Variants in MICAL3 observed in about 807,000 individuals in gnomAD.
MICAL3 encodes the protein microtubule associated monooxygenase, calponin and LIM domain containing 3.
A neutral mutation model predicts 207.4 loss-of-function variants in MICAL3; 62 were observed. The observed-to-expected ratio is 0.30, with a 90% CI of 0.24 to 0.37. The LOEUF is 0.37. Ranked by LOEUF, MICAL3 falls within the 10% of genes least tolerant of loss-of-function variation. MICAL3 has a pLI of 1.00. For missense variants in MICAL3, 2,368 were observed against 2,635.6 expected (o/e 0.90, Z 2.22); for synonymous variants, 1,077 against 1,069.3 (o/e 1.01, Z -0.14).
chr22:17,851,561 A>G (rs1456443246), intron 19 of MICAL3, among the ~76,000 whole-genome samples: 1 of 152,170 alleles, frequency 6.6e-6, no homozygotes, highest in East Asian at 1.9e-4. Context: ...CCTCTGTCTG[A>G]GCTTCGCTCC....
rs1353104459 is a variant in MICAL3, at chr22:17,864,575, G to GGC, written c.2605+322_2605+323dup. ...CTCCTGTCTACCTACACAGGACCTGGGCCGCCCTCAGGTGTGATGGTGCGG... is the reference window on the plus strand; with the variant it reads ...CTCCTGTCTACCTACACAGGACCTGGGCGCCGCCCTCAGGTGTGATGGTGCGG... On this transcript the variant is annotated intron_variant, in intron 19 of 31. Coordinates refer to ENST00000441493, the MANE Select transcript of MICAL3 (RefSeq NM_015241.3). 12 of 1,469,312 alleles carry GGC rather than the reference G, an allele frequency of 8.2e-6. No homozygotes were observed. The African/African-American group carries it at 1.4e-4, about 17-fold the overall frequency. 91.0% of individuals were successfully genotyped at this position (1,469,312 alleles called of 1,614,324 possible).
At chr22:18,011,560 C>T (rs146606079) in intron 1 of MICAL3, among the ~76,000 whole-genome samples, 1,727 of 147,336 alleles carry the variant, frequency 0.012, 35 homozygotes, top group African/African-American at 0.041. Flanking sequence ...AAGAGTGAGA[C>T]TCCGTCTAAA....
At chr22:17,945,397 C>A (rs9618172) in intron 1 of MICAL3, among the ~76,000 whole-genome samples, 2,313 of 152,288 alleles carry the variant, frequency 0.015, 32 homozygotes, top group Non-Finnish European at 0.02. Context: ...TCCCTGCACA[C>A]GCGCTGCCAA....
intron 19 of MICAL3, among the ~76,000 whole-genome samples, chr22:17,847,580 A>G (rs565054406): frequency 2.0e-5 from 3 of 152,354 alleles, no homozygotes; most frequent in African/African-American, 7.2e-5. Context: ...CCCATCTGCT[A>G]AGAGAGGCTG....
chr22:17,909,447 T>C (rs935055119), intron 1 of MICAL3, among the ~76,000 whole-genome samples: 2 of 152,172 alleles, frequency 1.3e-5, no homozygotes, highest in Non-Finnish European at 2.9e-5. Context: ...ATTGCTTGAA[T>C]TCGGGAGGCG....
At chr22:17,934,545 CACAAG>C (rs1933423846) in intron 1 of MICAL3, among the ~76,000 whole-genome samples, 1 of 152,156 alleles carries the variant, frequency 6.6e-6, no homozygotes, top group Non-Finnish European at 1.5e-5. Context: ...TGAAAACCAG[CACAAG>C]ACAAGGATGC....
chr22:17,979,201 C>CATAA (rs1935792408), intron 1 of MICAL3, among the ~76,000 whole-genome samples: 2 of 151,788 alleles, frequency 1.3e-5, no homozygotes, highest in Admixed American at 6.6e-5. Flanking sequence ...GTAACCATGT[C>CATAA]TTATGAGTCA....
Position 17,847,007 on chromosome 22 carries a change from C to A in MICAL3, c.2606-4990G>T, listed in dbSNP as rs147077797. 3.5e-4 allele frequency among the ~76,000 whole-genome samples: 54 copies of A among 152,350 alleles called. 1 individual carries two copies. The East Asian group carries it at 0.01, about 29-fold the overall frequency. ...TTCTCCTAACAGGACAACCTGCTCT[C>A]GGCTGCTGGGCAAGAGCTGGCAGGG... On this transcript the variant is annotated intron_variant, in intron 19 of 31. Coordinates refer to ENST00000441493, the MANE Select transcript of MICAL3 (RefSeq NM_015241.3).
chr22:17,860,217 T>C (rs993218483), intron 19 of MICAL3: 1 of 982,706 alleles, frequency 1.0e-6, no homozygotes, highest in African/African-American at 1.8e-5. Flanking sequence ...AAAAAAAAAT[T>C]AAAAGCACGA....
chr22:18,016,637 A>C (rs1924070999), intron 1 of MICAL3, among the ~76,000 whole-genome samples: 2 of 152,198 alleles, frequency 1.3e-5, no homozygotes, highest in African/African-American at 4.8e-5. Context: ...GTAATGTTTT[A>C]AAACTCTTTA....
At chr22:17,927,152 C>T (rs527365080) in intron 1 of MICAL3, among the ~76,000 whole-genome samples, 8 of 152,292 alleles carry the variant, frequency 5.3e-5, no homozygotes, top group African/African-American at 1.9e-4. Flanking sequence ...TCTGTCTATT[C>T]CAGGTACCTC....
intron 19 of MICAL3, among the ~76,000 whole-genome samples, chr22:17,852,595 G>A (rs1394420894): frequency 6.6e-6 from 1 of 152,158 alleles, no homozygotes; most frequent in Non-Finnish European, 1.5e-5. Context: ...AACACCCATT[G>A]GTGCACTGAT....
chr22:17,865,877 T>A, intron 18 of MICAL3, 47 bp downstream of exon 18: 1 of 1,507,596 alleles, frequency 6.6e-7, no homozygotes, highest in Non-Finnish European at 9.2e-7. Context: ...GCCACACTGC[T>A]GCAACACCCA....
chr22:17,919,076 G>GTTTT (rs35096617), intron 1 of MICAL3, among the ~76,000 whole-genome samples: 1,762 of 136,526 alleles, frequency 0.013, 82 homozygotes, highest in African/African-American at 0.046. Context: ...GTTTTTGTGG[G>GTTTT]TTTTTTTTTT....
intron 11 of MICAL3, among the ~76,000 whole-genome samples, chr22:17,893,166 C>T (rs1930520350): frequency 6.6e-6 from 1 of 152,240 alleles, no homozygotes; most frequent in Middle Eastern, 3.4e-3. Context: ...CCTCCACTGC[C>T]TCCTCCCTTC....
At chr22:17,931,137 C>G (rs1312358129) in intron 1 of MICAL3, among the ~76,000 whole-genome samples, 1 of 152,198 alleles carries the variant, frequency 6.6e-6, no homozygotes, top group Non-Finnish European at 1.5e-5. Context: ...CCCCTGGTCC[C>G]CCAACTTGTG....
intron 20 of MICAL3, chr22:17,839,846 G>T (rs1923820093): frequency 6.6e-6 from 1 of 152,064 alleles, no homozygotes; most frequent in South Asian, 2.1e-4. Flanking sequence ...GGGATTACAG[G>T]CGTGAGCCAC....
intron 3 of MICAL3, among the ~76,000 whole-genome samples, chr22:17,903,348 T>C (rs1003461941): frequency 3.9e-5 from 6 of 152,220 alleles, no homozygotes; most frequent in African/African-American, 9.6e-5. Context: ...GTGAGACTGA[T>C]TGATTTATTC....
chr22:17,953,200 A>C (rs1258336420), intron 1 of MICAL3, among the ~76,000 whole-genome samples: 1 of 152,204 alleles, frequency 6.6e-6, no homozygotes, highest in Non-Finnish European at 1.5e-5. Flanking sequence ...GCAGACAGTA[A>C]CATTCAGCCA....
Sources: allele counts gnomAD v4.1 joint callset (sites outside exome capture counted in the v4.1 genomes callset), GRCh38; gene constraint gnomAD v4.1.1; transcripts MANE v1.5; gene names NCBI Gene and HGNC (gene_info 2026-07-23, HGNC 2026-07-21).